Variants in CACUL1 observed in about 807,000 individuals in gnomAD.
CACUL1 encodes the protein CDK2-associated and cullin domain-containing protein 1.
In CACUL1, 13 loss-of-function variants were observed where a neutral mutation model predicts 45.2. The ratio of observed to expected loss-of-function variants is 0.29; its 90% CI spans 0.19 to 0.46. CACUL1 has a LOEUF of 0.46. Ranked by LOEUF, CACUL1 falls within the 20% of genes least tolerant of loss-of-function variation. The pLI is 1.00. For synonymous variants in CACUL1, 197 were observed against 174.2 expected, an observed-to-expected ratio of 1.13 and a Z score of -1.03; for missense variants, 421 against 471.4, an observed-to-expected ratio of 0.89 and a Z score of 0.99.
At chr10:118,715,050 C>T (rs1339113777) in intron 3 of CACUL1, among the ~76,000 whole-genome samples, 1 of 152,206 alleles carries the variant, frequency 6.6e-6, no homozygotes, top group Non-Finnish European at 1.5e-5. Context: ...CAGATTGTTG[C>T]ACTGAGTAAC....
Position 118,701,366 on chromosome 10 carries a change from C to A in CACUL1, c.736G>T (p.Asp246Tyr). ...TCCGTAAACAGCTTTATAAGGTCAT[C>A]TTTTAAGTCTCTGTTAAGCTTGGTT... ...IETKLNRDLKDDLIKLFTEHV... is the reference protein window; with the variant it reads ...IETKLNRDLKYDLIKLFTEHV... Residue 246 changes from aspartate (D) to tyrosine (Y), a missense_variant, in exon 5 of 9, where the codon GAT becomes TAT. This residue lies in a region of CACUL1 where 208 missense variants were observed against 298.4 expected (regional missense o/e 0.70). Coordinates refer to ENST00000369151, the MANE Select transcript of CACUL1 (RefSeq NM_153810.5). 2 of 1,577,202 alleles carry A rather than the reference C, an allele frequency of 1.3e-6. No individual in the cohort carries two copies. The highest frequency in any genetic ancestry group is 1.2e-5 in the South Asian group (1 of 86,262).
chr10:118,686,688 C>A (rs1845210751), intron 7 of CACUL1, 47 bp from the exon 8 acceptor site: 2 of 1,341,516 alleles, frequency 1.5e-6, no homozygotes, highest in Non-Finnish European at 2.1e-6. Flanking sequence ...CACATCAAAA[C>A]AGGAGGAAAG....
rs745333760 is a variant in CACUL1 at position 118,754,566 on chromosome 10, T to G, written c.197A>C (p.Asp66Ala). 6.2e-7 allele frequency: 1 copy of G among 1,611,046 alleles called. No homozygotes were observed. Among genetic ancestry groups the G allele is most frequent in the African/African-American group, 1.3e-5 (1 of 74,580 alleles). Residue 66 changes from aspartate to alanine, a missense_variant, in exon 1 of 9, where the codon GAC becomes GCC. Around this residue, in one of 2 missense-constraint regions of CACUL1, gnomAD observed 213 missense variants for 173.1 expected, o/e 1.23. Transcript: ENST00000369151. Reference sequence around the variant, plus strand: ...GAGCCCCTCCTTGGGGCCTTTCCTGTCCACGGAGACCGCGGGCACCGCCAG... The same window carrying G: ...GAGCCCCTCCTTGGGGCCTTTCCTGGCCACGGAGACCGCGGGCACCGCCAG... ...QLLAVPAVSV[D>A]RKGPKEGLPM...
In CACUL1 at chr10:118,678,101, A is replaced by C. The variant is rs1845115177; in HGVS notation, c.*8027T>G. ...TGAGGCTGAACATCTTTTCACATTTATGGGCCATTTCTGTTTCTTCTGTGA... is the reference window on the plus strand; with the variant it reads ...TGAGGCTGAACATCTTTTCACATTTCTGGGCCATTTCTGTTTCTTCTGTGA... On this transcript the variant is annotated 3_prime_UTR_variant, in exon 9 of 9. Coordinates refer to ENST00000369151, the MANE Select transcript of CACUL1 (RefSeq NM_153810.5). The C allele has an allele frequency of 1.3e-5, 2 of 152,184 alleles. No homozygotes were observed. Among genetic ancestry groups the C allele is most frequent in the South Asian group, 2.1e-4 (1 of 4,836 alleles). The allele number at this position is 152,184 out of a possible 1,614,324, so 9.4% of individuals were successfully genotyped here.
chr10:118,684,877 GT>G lies in CACUL1; in HGVS notation c.*1250del, dbSNP rs1484034030. Reference sequence around the variant, plus strand: ...GATTCAAGCAAAATTGAGAAGAAAAGTATTTTTCTCTTGCCACATCTATTTT... The same window carrying G: ...GATTCAAGCAAAATTGAGAAGAAAAGATTTTTCTCTTGCCACATCTATTTT... On this transcript the variant is annotated 3_prime_UTR_variant, in exon 9 of 9. Transcript: ENST00000369151. The G allele has an allele frequency of 6.6e-6, 1 of 152,206 alleles. No homozygotes were observed. The highest frequency in any genetic ancestry group is 1.5e-5 in the Non-Finnish European group (1 of 68,028). 9.4% of individuals were successfully genotyped at this position (152,206 alleles called of 1,614,324 possible).
rs545584720 is a variant in CACUL1, at chr10:118,684,068, C to T, written c.*2060G>A. The stretch of plus-strand genomic sequence containing the variant: ...TTTGCCCACTTTTTATTAATACATA[C>T]ATAGTAAAAAGAATATATTTCTCCA... On this transcript the variant is annotated 3_prime_UTR_variant, in exon 9 of 9. Transcript: ENST00000369151. 1.3e-5 allele frequency: 2 copies of T among 152,590 alleles called. No homozygotes were observed. Among genetic ancestry groups the T allele is most frequent in the African/African-American group, 4.8e-5 (2 of 41,418 alleles). The allele number at this position is 152,590 out of a possible 1,614,324, so 9.5% of individuals were successfully genotyped here.
intron 6 of CACUL1, among the ~76,000 whole-genome samples, chr10:118,693,978 A>G (rs7923434): frequency 0.79 from 120,837 of 152,068 alleles, 48,111 homozygotes; most frequent in Admixed American, 0.83. Context: ...GCAGTGGTAC[A>G]ATCAGCTCAG....
At chr10:118,739,435 G>A (rs937936745) in intron 1 of CACUL1, among the ~76,000 whole-genome samples, 1 of 152,002 alleles carries the variant, frequency 6.6e-6, no homozygotes, top group Non-Finnish European at 1.5e-5. Context: ...AAAACGAATG[G>A]CACCTGACTT....
In CACUL1 at chr10:118,689,714, ACC is replaced by A. The variant is rs1041714338; in HGVS notation, c.1025+1549_1025+1550del. ...GCTACTATAAACCAAGCAGTCCTGC[ACC>A]CTGTTCTCTTATTCCAGTACCAAAA... On this transcript the variant is annotated intron_variant, in intron 7 of 8. Coordinates refer to ENST00000369151, the MANE Select transcript of CACUL1 (RefSeq NM_153810.5). Among the ~76,000 whole-genome samples the A allele has an allele frequency of 3.8e-4, 57 of 151,386 alleles. 1 individual carries two copies. In the Admixed American group the frequency reaches 3.8e-3, roughly 10 times the overall value.
chr10:118,698,821 T>C (rs1290949282), intron 5 of CACUL1, among the ~76,000 whole-genome samples: 1 of 152,140 alleles, frequency 6.6e-6, no homozygotes, highest in Non-Finnish European at 1.5e-5. Flanking sequence ...TATACACCGA[T>C]AATAAATGGA....
chr10:118,736,314 G>A (rs527771747), intron 1 of CACUL1, among the ~76,000 whole-genome samples: 4 of 152,058 alleles, frequency 2.6e-5, no homozygotes, highest in Admixed American at 6.6e-5. Flanking sequence ...CAGAGAAGCC[G>A]AAAAGTTTTT....
At chr10:118,737,923 A>G (rs1449074915) in intron 1 of CACUL1, among the ~76,000 whole-genome samples, 1 of 152,242 alleles carries the variant, frequency 6.6e-6, no homozygotes, top group Non-Finnish European at 1.5e-5. Flanking sequence ...CATAAAATTC[A>G]AAGTACTCAA....
chr10:118,702,080 C>A (rs1462636863), intron 4 of CACUL1, among the ~76,000 whole-genome samples: 4 of 152,158 alleles, frequency 2.6e-5, no homozygotes, highest in African/African-American at 9.7e-5. Context: ...TAACTGAGGA[C>A]ATTATCTTGT....
chr10:118,720,174 A>G (rs563389336), intron 3 of CACUL1, among the ~76,000 whole-genome samples: 1 of 152,336 alleles, frequency 6.6e-6, no homozygotes, highest in South Asian at 2.1e-4. Context: ...GGACTTAATA[A>G]ACTGAATTAA....
At position 118,754,936 on chromosome 10, in the gene CACUL1, G is replaced by A. The variant is rs1040855686; in HGVS notation, c.-174C>T. On this transcript the variant is annotated 5_prime_UTR_variant, in exon 1 of 9. Transcript: ENST00000369151. ...TCTCCGCGGGGCCGACTAGCTTGAA[G>A]ACGCGGCTGACGGCGGTGGGCGCTC... The A allele has an allele frequency of 7.3e-6, 6 of 824,684 alleles. No individual in the cohort carries two copies. Among genetic ancestry groups the A allele is most frequent in the South Asian group, 2.3e-5 (1 of 43,808 alleles). 51.1% of individuals were successfully genotyped at this position (824,684 alleles called of 1,614,324 possible). A position where few individuals can be genotyped will look rare whatever the true frequency, so the allele number is the denominator to read the frequency against.
chr10:118,715,831 A>C (rs1211413564), intron 3 of CACUL1, among the ~76,000 whole-genome samples: 1 of 152,238 alleles, frequency 6.6e-6, no homozygotes, highest in Non-Finnish European at 1.5e-5. Flanking sequence ...AATGAAGTAG[A>C]CAAGAAGGGA....
At position 118,677,433 on chromosome 10, in the gene CACUL1, C is replaced by T. The variant is rs764538396; in HGVS notation, c.*8695G>A. On this transcript the variant is annotated 3_prime_UTR_variant, in exon 9 of 9. Coordinates refer to ENST00000369151, the MANE Select transcript of CACUL1 (RefSeq NM_153810.5). ...ACTGGCATGTTTAGAATGGTCCAAA[C>T]GTTCATATTATGAAGTGCTTCCAAG... 3 of 152,286 alleles carry T rather than the reference C, an allele frequency of 2.0e-5. No homozygotes were observed. Among genetic ancestry groups the T allele is most frequent in the African/African-American group, 7.2e-5 (3 of 41,558 alleles). 9.4% of individuals were successfully genotyped at this position (152,286 alleles called of 1,614,324 possible).
intron 1 of CACUL1, among the ~76,000 whole-genome samples, chr10:118,735,887 G>A (rs892381554): frequency 3.9e-5 from 6 of 151,950 alleles, no homozygotes; most frequent in Middle Eastern, 6.8e-3. Flanking sequence ...TTAATTAATT[G>A]CAACTAGATA....
At chr10:118,706,792 G>C (rs1352137144) in intron 4 of CACUL1, among the ~76,000 whole-genome samples, 4 of 152,114 alleles carry the variant, frequency 2.6e-5, no homozygotes. Context: ...CTAAATTAAA[G>C]ACAGGGGTAG....
Sources: allele counts gnomAD v4.1 joint callset (sites outside exome capture counted in the v4.1 genomes callset), GRCh38; gene constraint gnomAD v4.1.1; regional missense constraint gnomAD v4.1.1; transcripts MANE v1.5; gene names NCBI Gene and HGNC (gene_info 2026-07-23, HGNC 2026-07-21).